DNAH3: variants seen among roughly 807,000 people sequenced by gnomAD.
The protein encoded by DNAH3 is axonemal beta dynein heavy chain 3.
A neutral mutation model predicts 432.5 loss-of-function variants in DNAH3; 332 were observed. That is an observed-to-expected ratio of 0.77 (90% CI 0.70 to 0.84). The LOEUF (loss-of-function observed/expected upper bound fraction) is 0.84, where lower values mean the gene tolerates loss of function less well. DNAH3 is among the 40% of genes least tolerant of loss of function. DNAH3 has a pLI of 0.00. For synonymous variants in DNAH3, 1,956 were observed against 1,900.2 expected (o/e 1.03, Z -0.76); for missense variants, 4,861 against 5,114.0 (o/e 0.95, Z 1.51).
At chr16:21,050,616 T>C (rs1186930234) in intron 29 of DNAH3, among the ~76,000 whole-genome samples, 2 of 152,148 alleles carry the variant, frequency 1.3e-5, no homozygotes, top group East Asian at 3.9e-4. Flanking sequence ...ATTTTCATAT[T>C]TTTTGTAGAG....
At chr16:21,143,900 G>A (rs1035363486) in intron 3 of DNAH3, among the ~76,000 whole-genome samples, 5 of 152,136 alleles carry the variant, frequency 3.3e-5, no homozygotes, top group African/African-American at 1.2e-4. Flanking sequence ...ACACTCATTA[G>A]ACATGAAAAA....
rs143188648 is a variant in DNAH3, at chr16:20,992,256, C to T, written c.6602-4191G>A. On this transcript the variant is annotated intron_variant, in intron 44 of 61. Transcript: ENST00000261383. ...AGTGAAAGCCTCTTTATGTTGACAA[C>T]CAAGTCCTTTTGATGTGAGTCCGGT... Among the ~76,000 whole-genome samples the T allele has an allele frequency of 2.9e-3, 438 of 152,234 alleles. 5 individuals are homozygous for T. The highest frequency in any genetic ancestry group is 0.01 in the African/African-American group (416 of 41,572).
intron 50 of DNAH3, 45 bp from the exon 51 acceptor site, chr16:20,975,460 A>G: frequency 3.2e-6 from 5 of 1,568,250 alleles, no homozygotes; most frequent in East Asian, 2.2e-5. Context: ...AGCACTGAAA[A>G]TGGCAAAGTA....
At chr16:21,023,184 T>C (rs1178247000) in intron 39 of DNAH3, among the ~76,000 whole-genome samples, 2 of 151,980 alleles carry the variant, frequency 1.3e-5, no homozygotes, top group Non-Finnish European at 2.9e-5. Flanking sequence ...TTTATATGTA[T>C]ATATAAAAAT....
intron 41 of DNAH3, among the ~76,000 whole-genome samples, chr16:21,004,377 CT>C (rs956531520): frequency 6.6e-6 from 1 of 150,990 alleles, no homozygotes; most frequent in Non-Finnish European, 1.5e-5. Flanking sequence ...TTTCTTTTTT[CT>C]TTTTTTTAGA....
exon 46 of DNAH3, chr16:20,987,789 G>A: frequency 3.1e-6 from 5 of 1,614,142 alleles, no homozygotes; most frequent in Non-Finnish European, 4.2e-6. Context: ...GAGTTGGCAA[G>A]AAGTTCTCCA....
At chr16:21,011,051 G>A (rs939291537) in intron 41 of DNAH3, among the ~76,000 whole-genome samples, 1 of 152,076 alleles carries the variant, frequency 6.6e-6, no homozygotes, top group African/African-American at 2.4e-5. Flanking sequence ...AGGAGATGAG[G>A]CCATCGTTGT....
chr16:21,142,788 G>A (rs1160201766), intron 3 of DNAH3, among the ~76,000 whole-genome samples: 23 of 151,840 alleles, frequency 1.5e-4, no homozygotes, highest in Admixed American at 1.5e-3. Flanking sequence ...TGAGTAGCTA[G>A]GAGTACAGGC....
chr16:21,069,638 C>G (rs2090708944), intron 22 of DNAH3, 44 bp from the exon 23 acceptor site: 1 of 1,543,236 alleles, frequency 6.5e-7, no homozygotes, highest in Non-Finnish European at 8.9e-7. Context: ...ACCTGCCACT[C>G]TGCATCACAG....
In DNAH3 at chr16:21,081,355, G is replaced by A. The variant is rs367923248; in HGVS notation, c.2969+281C>T. Among the ~76,000 whole-genome samples, 4 of 150,864 alleles carry A rather than the reference G, an allele frequency of 2.7e-5. No homozygotes were observed. In the East Asian group the frequency reaches 7.8e-4, roughly 29 times the overall value. On this transcript the variant is annotated intron_variant, in intron 20 of 61. Transcript: ENST00000261383. ...TTTGCCCCCAATCACTGAGAGCTGGGCTTGAAGCTCAGGTTCAAAGAACAT... is the reference window on the plus strand; with the variant it reads ...TTTGCCCCCAATCACTGAGAGCTGGACTTGAAGCTCAGGTTCAAAGAACAT...
chr16:20,987,583 T>G, intron 46 of DNAH3, 110 bp downstream of exon 46: 1 of 1,526,574 alleles, frequency 6.6e-7, no homozygotes, highest in Non-Finnish European at 8.9e-7. Flanking sequence ...GCACAATGCC[T>G]AGCATAGACT....
At chr16:21,154,619 T>C (rs2092886878) in intron 1 of DNAH3, among the ~76,000 whole-genome samples, 1 of 152,214 alleles carries the variant, frequency 6.6e-6, no homozygotes, top group South Asian at 2.1e-4. Flanking sequence ...TCTTTGAATC[T>C]TCTCAACAAC....
intron 8 of DNAH3, among the ~76,000 whole-genome samples, 160 bp from the exon 10 acceptor site, chr16:21,125,530 T>C (rs2092430970): frequency 6.6e-6 from 1 of 152,242 alleles, no homozygotes; most frequent in Non-Finnish European, 1.5e-5. Flanking sequence ...TTACCTGCCA[T>C]GCCTCTTTCT....
intron 43 of DNAH3, among the ~76,000 whole-genome samples, chr16:20,998,583 A>G (rs1444415793): frequency 6.6e-6 from 1 of 152,012 alleles, no homozygotes; most frequent in African/African-American, 2.4e-5. Flanking sequence ...GAAAACCAAA[A>G]TGACAAGAAT....
chr16:21,125,699 CTG>C (rs1266599978), intron 8 of DNAH3, among the ~76,000 whole-genome samples: 1 of 152,218 alleles, frequency 6.6e-6, no homozygotes, highest in Non-Finnish European at 1.5e-5. Flanking sequence ...CTAGAATGTT[CTG>C]TCCAACTTCT....
intron 57 of DNAH3, 46 bp from the exon 58 acceptor site, chr16:20,944,709 C>T (rs374114469): frequency 3.3e-5 from 53 of 1,600,812 alleles, no homozygotes; most frequent in Non-Finnish European, 4.5e-5. Context: ...ACCCCAGAAT[C>T]CCACAGATGA....
rs375064486 is a variant in DNAH3, at chr16:20,952,618, G to A, written c.11072-69C>T. On this transcript the variant is annotated intron_variant, in intron 55 of 61. Coordinates refer to ENST00000261383, the Ensembl canonical transcript of DNAH3. The stretch of plus-strand genomic sequence containing the variant: ...TTAATTTCCACTCAAAGACCAAGCC[G>A]AGGGAGTTAAGCATCATTATGGATC... The A allele has an allele frequency of 1.1e-4, 113 of 1,009,376 alleles. 2 individuals carry two copies. In the East Asian group the frequency reaches 1.1e-3, roughly 10 times the overall value. 62.5% of individuals were successfully genotyped at this position (1,009,376 alleles called of 1,614,324 possible).
At chr16:21,007,948 A>T (rs2087397717) in intron 41 of DNAH3, among the ~76,000 whole-genome samples, 1 of 152,186 alleles carries the variant, frequency 6.6e-6, no homozygotes, top group Admixed American at 6.5e-5. Flanking sequence ...GATTTGTTGA[A>T]AAGATCATTC....
chr16:21,097,597 G>A (rs983461728), intron 17 of DNAH3, 98 bp from the exon 18 acceptor site: 9 of 1,413,776 alleles, frequency 6.4e-6, no homozygotes, highest in Non-Finnish European at 8.9e-6. Context: ...AAACCAAGTG[G>A]AGGGAAATGC....
Sources: allele counts gnomAD v4.1 joint callset (sites outside exome capture counted in the v4.1 genomes callset), GRCh38; gene constraint gnomAD v4.1.1; transcripts MANE v1.5; gene names NCBI Gene and HGNC (gene_info 2026-07-23, HGNC 2026-07-21).